SPECC1L: variants seen among roughly 807,000 people sequenced by gnomAD.
SPECC1L encodes the protein sperm antigen with calponin homology and coiled-coil domains 1 like, also known as cytospin-A.
Under a neutral mutation model 116.8 loss-of-function variants are expected in SPECC1L, and 40 were observed. The observed-to-expected ratio is 0.34, with a 90% CI of 0.27 to 0.45. SPECC1L has a LOEUF of 0.45. SPECC1L is among the 20% of genes least tolerant of loss of function. The probability of loss-of-function intolerance (pLI) is 1.00; values close to 1 mark genes in which losing one functional copy is unlikely to be tolerated. For synonymous variants in SPECC1L, 504 were observed against 500.6 expected (o/e 1.01, Z -0.09); for missense variants, 1,110 against 1,373.6 (o/e 0.81, Z 3.03).
At chr22:24,373,504 GACAAAA>G (rs1459365556) in intron 14 of SPECC1L, among the ~76,000 whole-genome samples, 2 of 152,050 alleles carry the variant, frequency 1.3e-5, no homozygotes, top group Admixed American at 1.3e-4. Context: ...TGACAGACCT[GACAAAA>G]ACAAGAAATG....
chr22:24,384,819 G>A (rs1364487439), intron 14 of SPECC1L, among the ~76,000 whole-genome samples: 2 of 152,188 alleles, frequency 1.3e-5, no homozygotes, highest in Admixed American at 6.5e-5. Flanking sequence ...GCTCACGCCT[G>A]TAATCCCAGC....
At chr22:24,409,099 C>G (rs963564962) in intron 14 of SPECC1L, among the ~76,000 whole-genome samples, 14 of 152,098 alleles carry the variant, frequency 9.2e-5, no homozygotes, top group Non-Finnish European at 2.1e-4. Context: ...GGTCAGGATT[C>G]GTAAAGTGCT....
chr22:24,336,456 T>C (rs1413296884), intron 9 of SPECC1L, among the ~76,000 whole-genome samples: 1 of 152,066 alleles, frequency 6.6e-6, no homozygotes, highest in Non-Finnish European at 1.5e-5. Flanking sequence ...AAAATATATA[T>C]GCTTTGAGCT....
rs567492217 is a variant in SPECC1L, at chr22:24,348,197, T to TC, written c.2743+1023dup. Among the ~76,000 whole-genome samples the TC allele has an allele frequency of 3.6e-3, 544 of 152,266 alleles. 16 individuals are homozygous for TC. The South Asian group carries it at 0.09, about 25-fold the overall frequency. On this transcript the variant is annotated intron_variant, in intron 11 of 16. Coordinates refer to ENST00000314328, the MANE Select transcript of SPECC1L (RefSeq NM_015330.6). ...AAGTGTCCCCTCAGGGCCTGAGGGC[T>TC]CCTCTTAGCTGATGCAGGCCAGTTA...
At chr22:24,344,054 A>G (rs1008292943) in intron 10 of SPECC1L, among the ~76,000 whole-genome samples, 4 of 152,184 alleles carry the variant, frequency 2.6e-5, no homozygotes, top group Admixed American at 1.3e-4. Context: ...AATAATTCCA[A>G]TTGTATATAG....
chr22:24,395,294 C>T (rs2042345535), intron 14 of SPECC1L, among the ~76,000 whole-genome samples: 1 of 152,144 alleles, frequency 6.6e-6, no homozygotes, highest in South Asian at 2.1e-4. Context: ...ATTTTGAGTT[C>T]ATTTCCCAAT....
chr22:24,351,446 T>C (rs182619681), intron 11 of SPECC1L, among the ~76,000 whole-genome samples: 2 of 152,206 alleles, frequency 1.3e-5, no homozygotes, highest in African/African-American at 4.8e-5. Context: ...CTGGCTCTTA[T>C]TTTATCATCT....
intron 2 of SPECC1L, among the ~76,000 whole-genome samples, chr22:24,290,348 T>C (rs1371203889): frequency 6.6e-6 from 1 of 152,048 alleles, no homozygotes; most frequent in South Asian, 2.1e-4. Context: ...ACAGGGGAGG[T>C]AGATCTGGAT....
At chr22:24,341,135 A>G (rs778564251) in intron 10 of SPECC1L, among the ~76,000 whole-genome samples, 4 of 152,154 alleles carry the variant, frequency 2.6e-5, no homozygotes, top group Non-Finnish European at 5.9e-5. Context: ...ACACAAATCA[A>G]CATTCAAGGA....
chr22:24,410,454 T>C (rs1010525922), intron 14 of SPECC1L, among the ~76,000 whole-genome samples: 1 of 152,150 alleles, frequency 6.6e-6, no homozygotes, highest in African/African-American at 2.4e-5. Context: ...TGCTTCTTTC[T>C]CCCTGGCAGA....
At chr22:24,387,983 AC>A (rs2042191874) in intron 14 of SPECC1L, among the ~76,000 whole-genome samples, 2 of 151,834 alleles carry the variant, frequency 1.3e-5, no homozygotes, top group South Asian at 4.2e-4. Flanking sequence ...ACATTGCATC[AC>A]TCTGACCATA....
At chr22:24,337,907 C>T (rs1727230716) in intron 9 of SPECC1L, among the ~76,000 whole-genome samples, 1 of 152,020 alleles carries the variant, frequency 6.6e-6, no homozygotes, top group African/African-American at 2.4e-5. Flanking sequence ...AAATACAAAT[C>T]AGAAAATATA....
intron 10 of SPECC1L, among the ~76,000 whole-genome samples, chr22:24,341,298 C>T (rs2041172465): frequency 6.6e-6 from 1 of 152,184 alleles, no homozygotes; most frequent in Non-Finnish European, 1.5e-5. Flanking sequence ...GATAATTTTC[C>T]AGGAACAGCC....
chr22:24,395,513 A>G (rs1183876996), intron 14 of SPECC1L, among the ~76,000 whole-genome samples: 3 of 149,338 alleles, frequency 2.0e-5, no homozygotes, highest in South Asian at 2.1e-4. Context: ...ATCAGGGTCA[A>G]TGACAGCTGC....
At chr22:24,329,722 C>T (rs908219162) in intron 7 of SPECC1L, among the ~76,000 whole-genome samples, 37 of 152,132 alleles carry the variant, frequency 2.4e-4, no homozygotes, top group African/African-American at 7.5e-4. Flanking sequence ...AGTTCCTTAC[C>T]GCCTCTTTGT....
In SPECC1L at chr22:24,308,689, AT is replaced by A. The variant is rs201656471; in HGVS notation, c.154-4616del. 7.8e-3 allele frequency among the ~76,000 whole-genome samples: 1,191 copies of A among 151,924 alleles called. 9 individuals carry two copies. Among genetic ancestry groups the A allele is most frequent in the South Asian group, 0.024 (115 of 4,814 alleles). On this transcript the variant is annotated intron_variant, in intron 3 of 16. Coordinates refer to ENST00000314328, the MANE Select transcript of SPECC1L (RefSeq NM_015330.6). Reference sequence around the variant, plus strand: ...CTAGACTTTTCACCCTGGTTTTAGCATTTTTTTTGGATAGTTCTTTCCCAAA... The same window carrying A: ...CTAGACTTTTCACCCTGGTTTTAGCATTTTTTTGGATAGTTCTTTCCCAAA...
intron 11 of SPECC1L, among the ~76,000 whole-genome samples, chr22:24,354,440 G>C (rs926204948): frequency 1.3e-5 from 2 of 152,150 alleles, no homozygotes; most frequent in Non-Finnish European, 1.5e-5. Context: ...TAGACTCATG[G>C]ATATTTGTTC....
chr22:24,365,069 G>T (rs1057365193), intron 12 of SPECC1L, among the ~76,000 whole-genome samples: 1 of 152,016 alleles, frequency 6.6e-6, no homozygotes, highest in Non-Finnish European at 1.5e-5. Flanking sequence ...GCAGAGTGGC[G>T]CAGTCTTGGC....
intron 14 of SPECC1L, among the ~76,000 whole-genome samples, chr22:24,390,121 C>T (rs1303758882): frequency 6.6e-6 from 1 of 151,458 alleles, no homozygotes; most frequent in African/African-American, 2.4e-5. Flanking sequence ...CTACTCATCC[C>T]CTACCCCAAC....
Sources: gnomAD v4.1 joint callset for allele counts (sites outside exome capture counted in the v4.1 genomes callset) on GRCh38, gnomAD v4.1.1 for gene constraint, MANE v1.5 for transcripts, NCBI Gene and HGNC (gene_info 2026-07-23, HGNC 2026-07-21) for gene names.